FMNL2: variants seen among roughly 807,000 people sequenced by gnomAD.
The protein encoded by FMNL2 is formin like 2, also known as formin-like protein 2.
A neutral mutation model predicts 130.2 loss-of-function variants in FMNL2; 51 were observed. The ratio of observed to expected loss-of-function variants is 0.39; its 90% CI spans 0.31 to 0.49. The LOEUF is 0.49. FMNL2 is among the 20% of genes least tolerant of loss of function. The probability of loss-of-function intolerance (pLI) is 0.85; values close to 1 mark genes in which losing one functional copy is unlikely to be tolerated. For synonymous variants in FMNL2, 465 were observed against 467.1 expected, an observed-to-expected ratio of 1.00 and a Z score of 0.06; for missense variants, 977 against 1,316.2, an observed-to-expected ratio of 0.74 and a Z score of 3.99.
chr2:152,592,319 A>C (rs994138474), intron 9 of FMNL2, among the ~76,000 whole-genome samples: 2 of 152,298 alleles, frequency 1.3e-5, no homozygotes, highest in East Asian at 3.9e-4. Flanking sequence ...GTTATTGACA[A>C]TGAATGTGTG....
At chr2:152,559,919 A>C (rs535857702) in intron 5 of FMNL2, among the ~76,000 whole-genome samples, 23 of 152,348 alleles carry the variant, frequency 1.5e-4, no homozygotes, top group African/African-American at 5.5e-4. Flanking sequence ...TATCTCTGCT[A>C]TCTGATTAGT....
Position 152,542,428 on chromosome 2 carries a change from G to T in FMNL2, c.202-311G>T, listed in dbSNP as rs367842380. On this transcript the variant is annotated intron_variant, in intron 2 of 25. Coordinates refer to ENST00000288670, the MANE Select transcript of FMNL2 (RefSeq NM_052905.4). ...AAACACCATTCCTAGAATGGAAGCT[G>T]CAGGGCCCTACAGAGAAAGCAGTAC... 7.9e-5 allele frequency among the ~76,000 whole-genome samples: 12 copies of T among 152,318 alleles called. No individual in the cohort carries two copies. The South Asian group carries it at 1.4e-3, about 18-fold the overall frequency.
intron 17 of FMNL2, among the ~76,000 whole-genome samples, chr2:152,627,645 C>A (rs58170098): frequency 1.3e-5 from 2 of 152,064 alleles, no homozygotes; most frequent in Non-Finnish European, 2.9e-5. Context: ...AAATGTAATT[C>A]TATTATTTAG....
chr2:152,457,641 T>G (rs2105106016), intron 1 of FMNL2, among the ~76,000 whole-genome samples: 1 of 152,278 alleles, frequency 6.6e-6, no homozygotes. Flanking sequence ...GACCAAAAGA[T>G]GTATGTTTTC....
At chr2:152,438,274 G>GTTTT (rs1687874736) in intron 1 of FMNL2, among the ~76,000 whole-genome samples, 1 of 152,158 alleles carries the variant, frequency 6.6e-6, no homozygotes, top group Non-Finnish European at 1.5e-5. Flanking sequence ...TTTTTCTAGG[G>GTTTT]ACAGTCATTC....
intron 22 of FMNL2, 124 bp downstream of exon 22, chr2:152,636,714 T>C (rs1682640043): frequency 8.6e-7 from 1 of 1,158,728 alleles, no homozygotes. Flanking sequence ...AGCTTTCTTG[T>C]TGTAACTATT....
chr2:152,534,551 AG>A (rs1693880506), intron 2 of FMNL2, among the ~76,000 whole-genome samples: 1 of 142,364 alleles, frequency 7.0e-6, no homozygotes, highest in Non-Finnish European at 1.5e-5. Context: ...AGAACTCTTA[AG>A]GCTTATTTTG....
intron 9 of FMNL2, among the ~76,000 whole-genome samples, chr2:152,594,603 C>T (rs989705024): frequency 2.6e-5 from 4 of 152,294 alleles, no homozygotes; most frequent in South Asian, 2.1e-4. Flanking sequence ...TTAGTACCAC[C>T]GCACGAGGTA....
chr2:152,530,319 CT>C (rs1693618608), intron 2 of FMNL2, among the ~76,000 whole-genome samples: 1 of 151,904 alleles, frequency 6.6e-6, no homozygotes, highest in Admixed American at 6.6e-5. Context: ...TTAACTCATA[CT>C]CTTTGTTTGT....
In FMNL2 at chr2:152,645,365, G is replaced by C. The variant is rs928718522; in HGVS notation, c.3170-2431G>C. 1.3e-5 allele frequency: 11 copies of C among 837,764 alleles called. No individual in the cohort carries two copies. In the African/African-American group the frequency reaches 1.9e-4, roughly 15 times the overall value. 51.9% of individuals were successfully genotyped at this position (837,764 alleles called of 1,614,324 possible). ...GCCTGGGAATGTTGAGCACTAAGTT[G>C]AGTTGCTTTCCATTTTCATCCCATT... On this transcript the variant is annotated intron_variant, in intron 25 of 25. Transcript: ENST00000288670.
intron 9 of FMNL2, among the ~76,000 whole-genome samples, chr2:152,600,385 A>C (rs998700590): frequency 2.0e-5 from 3 of 152,244 alleles, no homozygotes; most frequent in Admixed American, 6.5e-5. Flanking sequence ...TAGCCATCTC[A>C]TAAGAGTCAG....
chr2:152,621,122 G>A (rs549174070), intron 15 of FMNL2: 86 of 985,358 alleles, frequency 8.7e-5, no homozygotes, highest in East Asian at 3.4e-4. Flanking sequence ...ACCCATTATC[G>A]TCCCGTGCAC....
chr2:152,435,244 G>A (rs1021745867), intron 1 of FMNL2, among the ~76,000 whole-genome samples: 36 of 152,214 alleles, frequency 2.4e-4, no homozygotes, highest in Admixed American at 3.9e-4. Flanking sequence ...CACTTTGGGA[G>A]GCTGAAGTGG....
intron 2 of FMNL2, among the ~76,000 whole-genome samples, chr2:152,534,312 C>T (rs945701321): frequency 1.3e-5 from 2 of 152,120 alleles, no homozygotes; most frequent in African/African-American, 4.8e-5. Flanking sequence ...AATAAAACCG[C>T]CTCAGTGAAT....
At chr2:152,383,778 C>T (rs1440224301) in intron 1 of FMNL2, among the ~76,000 whole-genome samples, 2 of 152,256 alleles carry the variant, frequency 1.3e-5, no homozygotes, top group South Asian at 2.1e-4. Context: ...TAAGTTAAGG[C>T]ATTTATTTAG....
At position 152,384,764 on chromosome 2, in the gene FMNL2, T is replaced by C. The variant is rs946407490; in HGVS notation, c.117+49044T>C. Among the ~76,000 whole-genome samples the C allele has an allele frequency of 2.0e-5, 3 of 152,176 alleles. No homozygotes were observed. In the South Asian group the frequency reaches 6.2e-4, roughly 31 times the overall value. On this transcript the variant is annotated intron_variant, in intron 1 of 25. Transcript: ENST00000288670. ...GGCTTCTGGTGGGGGCCATTATATT[T>C]TCAGCTAAGATTGGCCTTCCCTGGT...
At chr2:152,598,055 T>C (rs1367708387) in intron 9 of FMNL2, among the ~76,000 whole-genome samples, 1 of 152,218 alleles carries the variant, frequency 6.6e-6, no homozygotes. Context: ...CACCATGCAC[T>C]GATTAGATTT....
intron 9 of FMNL2, 87 bp downstream of exon 9, chr2:152,581,136 C>G (rs1368456880): frequency 8.5e-7 from 1 of 1,179,148 alleles, no homozygotes; most frequent in Non-Finnish European, 1.2e-6. Context: ...TTTCATTTAT[C>G]CTAGGGCCTA....
intron 1 of FMNL2, among the ~76,000 whole-genome samples, chr2:152,337,134 AGGTTGCTTGTG>A (rs1399044822): frequency 6.6e-6 from 1 of 151,980 alleles, no homozygotes; most frequent in African/African-American, 2.4e-5. Context: ...GAGACAGATG[AGGTTGCTTGTG>A]TTGCTTTGCA....
Sources: gnomAD v4.1 joint callset for allele counts (sites outside exome capture counted in the v4.1 genomes callset) on GRCh38, gnomAD v4.1.1 for gene constraint, MANE v1.5 for transcripts, NCBI Gene and HGNC (gene_info 2026-07-23, HGNC 2026-07-21) for gene names.